Variants in CHSY3 observed in about 807,000 individuals in gnomAD.
The protein encoded by CHSY3 is N-acetylgalactosaminyl-proteoglycan 3-beta-glucuronosyltransferase 3.
Under a neutral mutation model 67.2 loss-of-function variants are expected in CHSY3, and 35 were observed. That is an observed-to-expected ratio of 0.52 (90% CI 0.40 to 0.69). The LOEUF (loss-of-function observed/expected upper bound fraction) is 0.69, where lower values mean the gene tolerates loss of function less well. CHSY3 is among the 30% of genes least tolerant of loss of function. The pLI is 0.00. For synonymous variants in CHSY3, 474 were observed against 434.7 expected (o/e 1.09, Z -1.12); for missense variants, 1,069 against 1,138.5 (o/e 0.94, Z 0.88).
intron 2 of CHSY3, among the ~76,000 whole-genome samples, chr5:130,001,033 C>T (rs1266184911): frequency 6.6e-6 from 1 of 151,548 alleles, no homozygotes; most frequent in Non-Finnish European, 1.5e-5. Context: ...TGAGTGGTGG[C>T]ACACGCCTGG....
intron 2 of CHSY3, among the ~76,000 whole-genome samples, chr5:130,096,701 T>C (rs575134998): frequency 1.6e-3 from 247 of 152,256 alleles, no homozygotes; most frequent in African/African-American, 5.5e-3. Context: ...GCCAACCATT[T>C]TTTTTAGTAT....
intron 2 of CHSY3, among the ~76,000 whole-genome samples, chr5:130,063,147 G>C (rs1019918894): frequency 6.6e-6 from 1 of 151,886 alleles, no homozygotes; most frequent in Non-Finnish European, 1.5e-5. Context: ...AAACTTTACA[G>C]TTTTTTATTG....
At chr5:129,973,264 T>C (rs989545270) in intron 2 of CHSY3, among the ~76,000 whole-genome samples, 2 of 152,108 alleles carry the variant, frequency 1.3e-5, no homozygotes, top group African/African-American at 2.4e-5. Flanking sequence ...ATATTATCCT[T>C]GTATTTCTTC....
intron 2 of CHSY3, among the ~76,000 whole-genome samples, chr5:130,117,737 C>T (rs1223043753): frequency 2.0e-5 from 3 of 152,200 alleles, no homozygotes; most frequent in African/African-American, 7.2e-5. Context: ...AGCTACTTAT[C>T]TGGTATCAAA....
intron 2 of CHSY3, among the ~76,000 whole-genome samples, chr5:129,933,561 G>T (rs577976267): frequency 6.2e-4 from 95 of 152,200 alleles, no homozygotes; most frequent in African/African-American, 2.2e-3. Context: ...AGATCTTTTA[G>T]TCAAAGTAAT....
chr5:129,956,751 T>G (rs1194620493), intron 2 of CHSY3, among the ~76,000 whole-genome samples: 1 of 152,056 alleles, frequency 6.6e-6, no homozygotes, highest in Non-Finnish European at 1.5e-5. Context: ...TTTTTTTCAT[T>G]TTGTGAAAGC....
chr5:130,091,133 C>CAT (rs1766864192), intron 2 of CHSY3, among the ~76,000 whole-genome samples: 1 of 113,348 alleles, frequency 8.8e-6, no homozygotes, highest in African/African-American at 4.0e-5. Context: ...CACACACACA[C>CAT]ACGCACACGC....
intron 2 of CHSY3, among the ~76,000 whole-genome samples, chr5:130,132,971 T>G (rs546962178): frequency 2.0e-5 from 3 of 152,308 alleles, no homozygotes; most frequent in African/African-American, 7.2e-5. Flanking sequence ...ATAGTTAATA[T>G]TTTCTAAGCC....
At chr5:130,057,364 T>C (rs1358000005) in intron 2 of CHSY3, among the ~76,000 whole-genome samples, 1 of 152,058 alleles carries the variant, frequency 6.6e-6, no homozygotes, top group East Asian at 1.9e-4. Context: ...AGTAAATTAC[T>C]AAGAAAAAAC....
At chr5:130,045,584 G>A (rs1323448903) in intron 2 of CHSY3, among the ~76,000 whole-genome samples, 1 of 152,042 alleles carries the variant, frequency 6.6e-6, no homozygotes, top group South Asian at 2.1e-4. Flanking sequence ...GCAGAAATAA[G>A]ACTGATCAGT....
intron 2 of CHSY3, among the ~76,000 whole-genome samples, chr5:130,080,563 A>T (rs1766414237): frequency 6.6e-6 from 1 of 152,136 alleles, no homozygotes; most frequent in African/African-American, 2.4e-5. Flanking sequence ...TGTTTAATGT[A>T]ACTCTTGGAA....
chr5:130,004,913 CTT>C (rs1357083451), intron 2 of CHSY3, among the ~76,000 whole-genome samples: 4 of 151,950 alleles, frequency 2.6e-5, no homozygotes, highest in Non-Finnish European at 4.4e-5. Context: ...ATATAAATAA[CTT>C]TATATCATTA....
chr5:130,162,872 G>T (rs976476524), intron 2 of CHSY3, among the ~76,000 whole-genome samples: 1 of 152,246 alleles, frequency 6.6e-6, no homozygotes, highest in Middle Eastern at 3.4e-3. Context: ...TTACATAGCC[G>T]CAATCAACTC....
At chr5:129,958,320 G>GTA (rs1762236575) in intron 2 of CHSY3, among the ~76,000 whole-genome samples, 1 of 152,042 alleles carries the variant, frequency 6.6e-6, no homozygotes, top group African/African-American at 2.4e-5. Flanking sequence ...TCTTCTACTG[G>GTA]TATATAACTA....
chr5:129,922,833 G>A (rs244746), intron 2 of CHSY3, among the ~76,000 whole-genome samples: 85,318 of 151,958 alleles, frequency 0.56, 24,008 homozygotes, highest in Middle Eastern at 0.63. Context: ...GTGATCAGTT[G>A]TTCTTAGAAT....
At chr5:129,967,890 T>C (rs1255017168) in intron 2 of CHSY3, among the ~76,000 whole-genome samples, 2 of 151,844 alleles carry the variant, frequency 1.3e-5, no homozygotes, top group Non-Finnish European at 1.5e-5. Flanking sequence ...TTTAATTTCC[T>C]GGAAAGTCAT....
chr5:130,084,084 G>A (rs1766530582), intron 2 of CHSY3, among the ~76,000 whole-genome samples: 1 of 151,788 alleles, frequency 6.6e-6, no homozygotes, highest in African/African-American at 2.4e-5. Context: ...AAAGTTTTCT[G>A]TCGTCTGAGG....
intron 2 of CHSY3, among the ~76,000 whole-genome samples, chr5:130,154,153 G>T (rs1212961279): frequency 6.6e-6 from 1 of 152,084 alleles, no homozygotes; most frequent in East Asian, 1.9e-4. Flanking sequence ...CTGACCTCAG[G>T]TGATCCACCC....
chr5:130,001,776 G>T, intron 2 of CHSY3: 1 of 828,920 alleles, frequency 1.2e-6, no homozygotes, highest in Non-Finnish European at 1.5e-6. Context: ...ACATGCCCTC[G>T]CTGATAGTTT....
Sources: gnomAD v4.1 joint callset for allele counts (sites outside exome capture counted in the v4.1 genomes callset) on GRCh38, gnomAD v4.1.1 for gene constraint, MANE v1.5 for transcripts, NCBI Gene and HGNC (gene_info 2026-07-23, HGNC 2026-07-21) for gene names.